CTNNA3: variants seen among roughly 807,000 people sequenced by gnomAD.
The protein encoded by CTNNA3 is catenin alpha-3.
A neutral mutation model predicts 95.7 loss-of-function variants in CTNNA3; 76 were observed. That is an observed-to-expected ratio of 0.79 (90% CI 0.66 to 0.96). The LOEUF (loss-of-function observed/expected upper bound fraction) is 0.96, where lower values mean the gene tolerates loss of function less well. CTNNA3 is among the 40% of genes least tolerant of loss of function. The pLI, the probability that CTNNA3 is intolerant of heterozygous loss-of-function variation, is 0.00. For missense variants in CTNNA3, 1,191 were observed against 1,089.8 expected (o/e 1.09, Z -1.31); for synonymous variants, 431 against 374.4 (o/e 1.15, Z -1.74).
At chr10:66,956,228 C>T (rs1338272738) in intron 7 of CTNNA3, among the ~76,000 whole-genome samples, 3 of 151,072 alleles carry the variant, frequency 2.0e-5, no homozygotes, top group Non-Finnish European at 4.4e-5. Context: ...CAGTGGCTGT[C>T]TTGTGCAAAT....
chr10:66,444,060 A>G (rs1009737647), intron 11 of CTNNA3, among the ~76,000 whole-genome samples: 1 of 152,196 alleles, frequency 6.6e-6, no homozygotes, highest in African/African-American at 2.4e-5. Context: ...GATCAACTGG[A>G]AGAAAGGGTA....
intron 15 of CTNNA3, among the ~76,000 whole-genome samples, chr10:66,009,139 A>G (rs931483698): frequency 6.6e-6 from 1 of 152,022 alleles, no homozygotes; most frequent in Admixed American, 6.6e-5. Context: ...AGTCTTCTTG[A>G]TAACTAATTT....
chr10:67,012,761 G>A (rs1021112330), intron 7 of CTNNA3, among the ~76,000 whole-genome samples: 1 of 151,952 alleles, frequency 6.6e-6, no homozygotes, highest in Non-Finnish European at 1.5e-5. Context: ...TCTGTAAAAT[G>A]ATCAAGATTT....
chr10:67,146,255 G>T (rs1294349592), intron 7 of CTNNA3, among the ~76,000 whole-genome samples: 2 of 152,116 alleles, frequency 1.3e-5, no homozygotes, highest in East Asian at 1.9e-4. Context: ...TCTGTGAATT[G>T]CAACATTTTT....
chr10:65,963,866 G>A (rs1054321668), intron 17 of CTNNA3, among the ~76,000 whole-genome samples: 6 of 152,062 alleles, frequency 3.9e-5, no homozygotes, highest in African/African-American at 1.2e-4. Context: ...TATCTCTCAG[G>A]TTATTTTATT....
At chr10:67,031,111 G>A (rs2133109799) in intron 7 of CTNNA3, among the ~76,000 whole-genome samples, 1 of 152,316 alleles carries the variant, frequency 6.6e-6, no homozygotes, top group Admixed American at 6.5e-5. Context: ...TTTGTAAAGA[G>A]TTTAAACTAG....
intron 4 of CTNNA3, among the ~76,000 whole-genome samples, chr10:67,532,443 G>T (rs1840357400): frequency 6.6e-6 from 1 of 152,246 alleles, no homozygotes; most frequent in South Asian, 2.1e-4. Flanking sequence ...GTCCACAAAT[G>T]CTTTATAAAA....
chr10:66,498,960 T>A (rs1840189079), intron 11 of CTNNA3, among the ~76,000 whole-genome samples: 1 of 152,176 alleles, frequency 6.6e-6, no homozygotes, highest in South Asian at 2.1e-4. Context: ...TTTATTTGAG[T>A]AAAACAGATT....
intron 15 of CTNNA3, among the ~76,000 whole-genome samples, chr10:66,016,214 C>T (rs1241645159): frequency 6.6e-6 from 1 of 152,140 alleles, no homozygotes; most frequent in Non-Finnish European, 1.5e-5. Flanking sequence ...TTTATTGAGA[C>T]ACACCTATTT....
chr10:66,497,563 T>C (rs938579734), intron 11 of CTNNA3, among the ~76,000 whole-genome samples: 6 of 151,956 alleles, frequency 3.9e-5, no homozygotes, highest in African/African-American at 1.4e-4. Flanking sequence ...GAGATAACTG[T>C]AGTGGAAAGG....
chr10:67,220,766 G>GA (rs535877652), intron 5 of CTNNA3, among the ~76,000 whole-genome samples: 4 of 151,922 alleles, frequency 2.6e-5, no homozygotes. Context: ...CAATATACAA[G>GA]AAAAAAATCT....
At chr10:66,518,437 C>T (rs545902645) in intron 11 of CTNNA3, among the ~76,000 whole-genome samples, 37 of 152,026 alleles carry the variant, frequency 2.4e-4, no homozygotes, top group African/African-American at 7.2e-4. Context: ...CCAAAAGAAC[C>T]GAGAAACAGA....
chr10:67,432,133 T>C (rs1386622573), intron 5 of CTNNA3, among the ~76,000 whole-genome samples: 1 of 151,992 alleles, frequency 6.6e-6, no homozygotes, highest in South Asian at 2.1e-4. Flanking sequence ...TAAATGCCTA[T>C]ATTAGAAAAT....
intron 5 of CTNNA3, among the ~76,000 whole-genome samples, chr10:67,310,032 A>G (rs1269611213): frequency 6.6e-6 from 1 of 152,216 alleles, no homozygotes. Context: ...GAATAAAGCT[A>G]TACGTTACTC....
intron 17 of CTNNA3, among the ~76,000 whole-genome samples, chr10:65,962,391 A>G (rs545873522): frequency 1.6e-3 from 236 of 152,162 alleles, no homozygotes; most frequent in Non-Finnish European, 2.5e-3. Context: ...ATTTAACCTC[A>G]AAACCTTTAG....
chr10:67,713,227 C>T (rs1342521608), intron 1 of CTNNA3, among the ~76,000 whole-genome samples: 7 of 152,144 alleles, frequency 4.6e-5, no homozygotes, highest in East Asian at 1.9e-4. Flanking sequence ...ATCAAAACCA[C>T]GATGAGATAA....
rs190631095 is a variant in CTNNA3, at chr10:66,738,115, A to G, written c.1281+28149T>C. Among the ~76,000 whole-genome samples, 687 of 152,300 alleles carry G rather than the reference A, an allele frequency of 4.5e-3. 10 individuals carry two copies. Among genetic ancestry groups the G allele is most frequent in the Middle Eastern group, 0.02 (6 of 294 alleles). The stretch of plus-strand genomic sequence containing the variant: ...ATCCTTTTAAACTTACAAAGCCAAA[A>G]TCTTATTAGTTCTATAATAGCTGTT... On this transcript the variant is annotated intron_variant, in intron 9 of 17. Coordinates refer to ENST00000433211, the MANE Select transcript of CTNNA3 (RefSeq NM_013266.4).
chr10:66,041,385 G>T (rs955284375), intron 15 of CTNNA3, among the ~76,000 whole-genome samples: 1 of 152,120 alleles, frequency 6.6e-6, no homozygotes, highest in Non-Finnish European at 1.5e-5. Context: ...GTAATTAATA[G>T]CAGTAATAAT....
At chr10:66,342,718 T>C (rs10740236) in intron 12 of CTNNA3, among the ~76,000 whole-genome samples, 55,261 of 151,806 alleles carry the variant, frequency 0.36, 11,500 homozygotes, top group Non-Finnish European at 0.46. Flanking sequence ...ATTTATTCAC[T>C]AAGAGGAATG....
Sources: allele counts gnomAD v4.1 joint callset (sites outside exome capture counted in the v4.1 genomes callset), GRCh38; gene constraint gnomAD v4.1.1; transcripts MANE v1.5; gene names NCBI Gene and HGNC (gene_info 2026-07-23, HGNC 2026-07-21).